Variants in ABLIM2 observed in about 807,000 individuals in gnomAD.
The protein encoded by ABLIM2 is actin-binding LIM protein 2.
ABLIM2 carries 53 observed loss-of-function variants against 97.7 expected under a neutral mutation model. The observed-to-expected ratio is 0.54, with a 90% CI of 0.44 to 0.68. The LOEUF is 0.68. Among genes scored for constraint, ABLIM2 ranks in the 30% least tolerant of loss-of-function variants. The pLI, the probability that ABLIM2 is intolerant of heterozygous loss-of-function variation, is 0.00. For missense variants in ABLIM2, 835 were observed against 867.2 expected (o/e 0.96, Z 0.47); for synonymous variants, 361 against 345.8 (o/e 1.04, Z -0.49).
intron 17 of ABLIM2, among the ~76,000 whole-genome samples, chr4:7,990,501 G>A (rs1265235683): frequency 6.6e-6 from 1 of 152,058 alleles, no homozygotes; most frequent in African/African-American, 2.4e-5. Flanking sequence ...TGTAATATTT[G>A]TTTGTTTGTT....
chr4:8,081,277 C>A (rs760652628), intron 4 of ABLIM2, among the ~76,000 whole-genome samples: 8 of 152,240 alleles, frequency 5.3e-5, no homozygotes, highest in Non-Finnish European at 1.0e-4. Flanking sequence ...TTTCTGCCAT[C>A]CCTACGGTGA....
intron 10 of ABLIM2, among the ~76,000 whole-genome samples, chr4:8,030,698 G>A (rs1021582012): frequency 2.0e-5 from 3 of 152,214 alleles, no homozygotes; most frequent in East Asian, 3.9e-4. Context: ...CTCTCGGGCC[G>A]GCTAGTGCCC....
intron 14 of ABLIM2, among the ~76,000 whole-genome samples, chr4:8,013,694 C>T (rs4696729): frequency 0.5 from 75,853 of 152,054 alleles, 19,557 homozygotes; most frequent in East Asian, 0.7. Flanking sequence ...CCACGTCACA[C>T]GTGTAAATTT....
chr4:8,030,109 C>T (rs374052959), intron 10 of ABLIM2, among the ~76,000 whole-genome samples: 4 of 152,288 alleles, frequency 2.6e-5, no homozygotes, highest in East Asian at 3.9e-4. Flanking sequence ...CCCTCGCCAG[C>T]GCCCAGCTCT....
rs1781850769 is a variant in ABLIM2, at chr4:8,032,868, T to C, written c.1048-3092A>G. 6.6e-6 allele frequency among the ~76,000 whole-genome samples: 1 copy of C among 151,792 alleles called. No homozygotes were observed. Among genetic ancestry groups the C allele is most frequent in the African/African-American group, 2.4e-5 (1 of 41,296 alleles). On this transcript the variant is annotated intron_variant, in intron 10 of 20. Coordinates refer to ENST00000447017, the MANE Select transcript of ABLIM2 (RefSeq NM_001130083.2). This position sits in a 1 kb window ranked among gnomAD's most constrained non-coding sequence, Gnocchi z 4.3. Reference sequence around the variant, plus strand: ...CCAGAACCTTCTCTTTGGAGAAACATGGTTAATTCTTCCCAGAGAAAGAGG... The same window carrying C: ...CCAGAACCTTCTCTTTGGAGAAACACGGTTAATTCTTCCCAGAGAAAGAGG...
At chr4:7,987,295 A>G (rs1745013983) in intron 17 of ABLIM2, among the ~76,000 whole-genome samples, 1 of 151,922 alleles carries the variant, frequency 6.6e-6, no homozygotes, top group African/African-American at 2.4e-5. Flanking sequence ...GCTAATTAAA[A>G]AAAAAAAAGT....
rs530851092 is a variant in ABLIM2 at position 8,148,077 on chromosome 4, C to T, written c.10+10603G>A. On this transcript the variant is annotated intron_variant, in intron 1 of 20. Transcript: ENST00000447017. The surrounding 1 kb of genome is among the most constrained non-coding windows in gnomAD (Gnocchi z 6.7). ...GGGCAGGCAACAAGGGATAGTGGCC[C>T]GACCTTGCTGGGGGAGAAACCCCTC... Among the ~76,000 whole-genome samples the T allele has an allele frequency of 2.9e-4, 44 of 152,336 alleles. No individual in the cohort carries two copies. The highest frequency in any genetic ancestry group is 9.9e-4 in the African/African-American group (41 of 41,580).
At chr4:8,131,942 C>T (rs1849490466) in intron 1 of ABLIM2, among the ~76,000 whole-genome samples, 1 of 145,100 alleles carries the variant, frequency 6.9e-6, no homozygotes, top group Non-Finnish European at 1.5e-5. Flanking sequence ...AGAACATCAG[C>T]CTGCATCCCT....
intron 12 of ABLIM2, among the ~76,000 whole-genome samples, chr4:8,027,027 A>T (rs1442405748): frequency 6.6e-6 from 1 of 151,818 alleles, no homozygotes; most frequent in Non-Finnish European, 1.5e-5. Context: ...AGAGGGAGCG[A>T]GCTTTGGCGT....
Position 7,985,270 on chromosome 4 carries a change from C to T in ABLIM2, c.1681-377G>A, listed in dbSNP as rs116041224. Among the ~76,000 whole-genome samples, 1,039 of 152,322 alleles carry T rather than the reference C, an allele frequency of 6.8e-3. 5 individuals are homozygous for T. The highest frequency in any genetic ancestry group is 0.024 in the African/African-American group (989 of 41,578). On this transcript the variant is annotated intron_variant, in intron 17 of 20. Transcript: ENST00000447017. ...GGGCTCAGCACCATTTCTTTGCGCA[C>T]GCTGCGCTAGGCACAGCGCTCTGCG... is the stretch of plus-strand genomic sequence containing the variant.
At chr4:8,154,093 GC>G (rs1477542061) in intron 1 of ABLIM2, among the ~76,000 whole-genome samples, 2 of 151,002 alleles carry the variant, frequency 1.3e-5, no homozygotes, top group African/African-American at 4.9e-5. Context: ...CTCCCGAGTA[GC>G]TGGGTCTACA....
rs890615053 is a variant in ABLIM2, at chr4:8,147,024, G to A, written c.10+11656C>T. ...GTTGGACATTTACGTTGCAGAGCAT[G>A]TAACCCCTGCAATCAACGGCTTTTT... On this transcript the variant is annotated intron_variant, in intron 1 of 20. Coordinates refer to ENST00000447017, the MANE Select transcript of ABLIM2 (RefSeq NM_001130083.2). This position sits in a 1 kb window ranked among gnomAD's most constrained non-coding sequence, Gnocchi z 5.3. Among the ~76,000 whole-genome samples the A allele has an allele frequency of 1.3e-5, 2 of 152,180 alleles. No individual in the cohort carries two copies. Among genetic ancestry groups the A allele is most frequent in the African/African-American group, 4.8e-5 (2 of 41,436 alleles).
At chr4:8,153,783 G>A (rs1046788662) in intron 1 of ABLIM2, among the ~76,000 whole-genome samples, 3 of 152,124 alleles carry the variant, frequency 2.0e-5, no homozygotes, top group Non-Finnish European at 4.4e-5. Flanking sequence ...AAGAAAACTT[G>A]GAAAACACAT....
chr4:8,105,277 T>C (rs1486421257), intron 2 of ABLIM2, among the ~76,000 whole-genome samples: 1 of 151,388 alleles, frequency 6.6e-6, no homozygotes, highest in African/African-American at 2.5e-5. Flanking sequence ...CATCCCCCCC[T>C]ACACACATAT....
intron 9 of ABLIM2, among the ~76,000 whole-genome samples, chr4:8,039,116 G>A (rs1245141393): frequency 6.6e-6 from 1 of 152,176 alleles, no homozygotes; most frequent in African/African-American, 2.4e-5. Context: ...TAGAGGCCCA[G>A]GATTCATCAC....
chr4:8,026,423 G>A lies in ABLIM2; in HGVS notation c.1267+1336C>T, dbSNP rs549997032. ...GAACTCTCAGTAGGCCACGGGGCCC[G>A]CCCAAAGCAATGATGATGAGGTACA... On this transcript the variant is annotated intron_variant, in intron 12 of 20. Transcript: ENST00000447017. Among the ~76,000 whole-genome samples the A allele has an allele frequency of 5.9e-5, 9 of 152,352 alleles. No individual in the cohort carries two copies. The South Asian group carries it at 6.2e-4, about 11-fold the overall frequency.
Position 8,134,321 on chromosome 4 carries a change from G to A in ABLIM2, c.10+24359C>T, listed in dbSNP as rs545151659. 3.4e-4 allele frequency among the ~76,000 whole-genome samples: 51 copies of A among 152,222 alleles called. No homozygotes were observed. The East Asian group carries it at 3.9e-3, about 12-fold the overall frequency. On this transcript the variant is annotated intron_variant, in intron 1 of 20. Coordinates refer to ENST00000447017, the MANE Select transcript of ABLIM2 (RefSeq NM_001130083.2). ...GGCGGATCGGAGGGGATGGTGCTGC[G>A]TCTCCCTGTTGGGAGGTGCCGCTCC...
chr4:8,109,806 G>A (rs1015785546), intron 1 of ABLIM2, among the ~76,000 whole-genome samples: 7 of 152,204 alleles, frequency 4.6e-5, no homozygotes, highest in Admixed American at 2.6e-4. Flanking sequence ...GCCTGCCTCC[G>A]GTTTTGCAAA....
In ABLIM2 at chr4:8,071,800, T is replaced by C. The variant is rs926423765; in HGVS notation, c.675+5828A>G. ...AGCTTCTGGGCACCAGAGCCCAGTC[T>C]GACGGCCCTGCTTGAGTGCCGTGCT... On this transcript the variant is annotated intron_variant, in intron 6 of 20. Coordinates refer to ENST00000447017, the MANE Select transcript of ABLIM2 (RefSeq NM_001130083.2). The surrounding 1 kb of genome is among the most constrained non-coding windows in gnomAD (Gnocchi z 6.2). The C allele has an allele frequency of 1.1e-5, 11 of 985,076 alleles. No individual in the cohort carries two copies. The highest frequency in any genetic ancestry group is 5.2e-4 in the Middle Eastern group (1 of 1,916). The allele number at this position is 985,076 out of a possible 1,614,324, so 61.0% of individuals were successfully genotyped here.
Sources: gnomAD v4.1 joint callset for allele counts (sites outside exome capture counted in the v4.1 genomes callset) on GRCh38, gnomAD v4.1.1 for gene constraint, Gnocchi (gnomAD v3.1) non-coding constraint, MANE v1.5 for transcripts, NCBI Gene and HGNC (gene_info 2026-07-23, HGNC 2026-07-21) for gene names.